The following CEP85L variants were observed in gnomAD, a reference collection of about 807,000 sequenced individuals.
CEP85L encodes centrosomal protein 85L, also known as centrosomal protein of 85 kDa-like.
Under a neutral mutation model 100.3 loss-of-function variants are expected in CEP85L, and 60 were observed. That is an observed-to-expected ratio of 0.60 (90% CI 0.49 to 0.74). CEP85L has a LOEUF of 0.74. CEP85L is among the 30% of genes least tolerant of loss of function. CEP85L has a pLI of 0.00. For missense variants in CEP85L, 973 were observed against 936.2 expected (o/e 1.04, Z -0.51); for synonymous variants, 319 against 322.7 (o/e 0.99, Z 0.12).
At chr6:118,555,865 T>C (rs1488128960) in intron 3 of CEP85L, among the ~76,000 whole-genome samples, 1 of 152,082 alleles carries the variant, frequency 6.6e-6, no homozygotes, top group African/African-American at 2.4e-5. Flanking sequence ...TAAGTTCTTA[T>C]CATCTTGCTC....
chr6:118,521,309 T>C (rs1434708373), intron 4 of CEP85L, among the ~76,000 whole-genome samples: 2 of 152,240 alleles, frequency 1.3e-5, no homozygotes, highest in Non-Finnish European at 2.9e-5. Context: ...AAGTACTATA[T>C]ATGTTATAGA....
At chr6:118,631,919 T>C (rs547019449) in intron 2 of CEP85L, among the ~76,000 whole-genome samples, 1 of 152,360 alleles carries the variant, frequency 6.6e-6, no homozygotes, top group East Asian at 1.9e-4. Context: ...TAAAACTGTA[T>C]ATAAATCTAT....
In CEP85L at chr6:118,517,243, T is replaced by C. The variant is rs992451839; in HGVS notation, c.1140-5828A>G. ...CTATCTAGACTCTTTTTTGGTTCCA[T>C]ATGAAATTTAAAGTAGTTTTTTCTA... On this transcript the variant is annotated intron_variant, in intron 4 of 12. Coordinates refer to ENST00000368491, the MANE Select transcript of CEP85L (RefSeq NM_001042475.3). Among the ~76,000 whole-genome samples, 12 of 152,236 alleles carry C rather than the reference T, an allele frequency of 7.9e-5. 1 individual carries two copies. Among genetic ancestry groups the C allele is most frequent in the Admixed American group, 6.5e-4 (10 of 15,284 alleles).
At chr6:118,482,327 T>C (rs761552003) in intron 7 of CEP85L, among the ~76,000 whole-genome samples, 1 of 152,186 alleles carries the variant, frequency 6.6e-6, no homozygotes, top group Non-Finnish European at 1.5e-5. Flanking sequence ...TCTTGCATAA[T>C]TGAAACTCTA....
upstream of CEP85L, chr6:118,651,890 C>T (rs916898332): frequency 1.0e-6 from 1 of 985,476 alleles, no homozygotes; most frequent in African/African-American, 1.7e-5. Context: ...TCACGCCCTC[C>T]CTCCGGGCAC....
At chr6:118,572,394 G>GA (rs960722274) in intron 2 of CEP85L, among the ~76,000 whole-genome samples, 7 of 149,938 alleles carry the variant, frequency 4.7e-5, no homozygotes, top group Admixed American at 2.0e-4. Context: ...TCTCTACTTA[G>GA]AAAAAAACAA....
intron 1 of CEP85L, among the ~76,000 whole-genome samples, chr6:118,687,173 A>G (rs1776862616): frequency 6.6e-6 from 1 of 152,184 alleles, no homozygotes; most frequent in Admixed American, 6.5e-5. Context: ...ATTCATGTAG[A>G]GAAGCTTTTG....
At chr6:118,620,157 C>T (rs1343051115) in intron 2 of CEP85L, among the ~76,000 whole-genome samples, 3 of 152,168 alleles carry the variant, frequency 2.0e-5, no homozygotes, top group African/African-American at 4.8e-5. Context: ...GTATACCTCC[C>T]TAACTCCGGA....
chr6:118,507,415 A>T (rs536183470), intron 5 of CEP85L, among the ~76,000 whole-genome samples: 75 of 152,310 alleles, frequency 4.9e-4, no homozygotes, highest in Non-Finnish European at 7.6e-4. Context: ...TGCCTCCAAT[A>T]ACATCTACCT....
intron 4 of CEP85L, among the ~76,000 whole-genome samples, chr6:118,514,626 A>G (rs1261428340): frequency 6.6e-6 from 1 of 152,166 alleles, no homozygotes; most frequent in Non-Finnish European, 1.5e-5. Flanking sequence ...CTCCCAAACA[A>G]AAGGCAGACA....
intron 3 of CEP85L, among the ~76,000 whole-genome samples, chr6:118,525,288 A>G (rs974166265): frequency 6.6e-5 from 10 of 152,228 alleles, no homozygotes; most frequent in African/African-American, 9.6e-5. Context: ...AGATATCCTT[A>G]TATTTCTTCC....
At chr6:118,622,233 T>C (rs1049482260) in intron 2 of CEP85L, among the ~76,000 whole-genome samples, 29 of 152,216 alleles carry the variant, frequency 1.9e-4, no homozygotes, top group Admixed American at 1.8e-3. Context: ...GTAAGTGGCA[T>C]ATTAAATGCT....
At chr6:118,488,698 G>C (rs1774353577) in intron 6 of CEP85L, among the ~76,000 whole-genome samples, 1 of 152,136 alleles carries the variant, frequency 6.6e-6, no homozygotes, top group Non-Finnish European at 1.5e-5. Flanking sequence ...TGGACATCCA[G>C]ATCCAGGGGA....
chr6:118,631,473 T>G (rs1479746290), intron 2 of CEP85L, among the ~76,000 whole-genome samples: 2 of 152,196 alleles, frequency 1.3e-5, no homozygotes, highest in Non-Finnish European at 2.9e-5. Flanking sequence ...AGGCATCTAC[T>G]CACCCAAAGA....
At chr6:118,641,327 A>G (rs777512814) in intron 1 of CEP85L, among the ~76,000 whole-genome samples, 1 of 152,198 alleles carries the variant, frequency 6.6e-6, no homozygotes, top group Non-Finnish European at 1.5e-5. Context: ...TTCTATCTCT[A>G]TGATCTGCAA....
intron 2 of CEP85L, among the ~76,000 whole-genome samples, chr6:118,603,098 G>A (rs1317046266): frequency 1.3e-5 from 2 of 152,108 alleles, no homozygotes; most frequent in African/African-American, 4.8e-5. Context: ...GAGATTACAG[G>A]TGTGAGCCAC....
intron 3 of CEP85L, among the ~76,000 whole-genome samples, chr6:118,535,912 C>T (rs146275419): frequency 2.6e-3 from 395 of 152,086 alleles, no homozygotes; most frequent in African/African-American, 9.1e-3. Context: ...ATACATTCTT[C>T]AAAACTCAAA....
chr6:118,523,887 G>A lies in CEP85L; in HGVS notation c.1054C>T (p.Pro352Ser). ...LTGSSRQSYSPGYQDFSKWES... is the reference protein window; with the variant it reads ...LTGSSRQSYSSGYQDFSKWES... ...CACTTACTGAAATCCTGATAGCCAG[G>A]TGAATAACTTTGACGAGATGATCCA... Residue 352 changes from proline to serine, a missense_variant, in exon 4 of 13, where the codon CCT becomes TCT. By Grantham distance (74) the Pro-to-Ser change is moderately conservative (BLOSUM62 -1). Coordinates refer to ENST00000368491, the MANE Select transcript of CEP85L (RefSeq NM_001042475.3). The A allele has an allele frequency of 6.2e-7, 1 of 1,606,770 alleles. No homozygotes were observed. The highest frequency in any genetic ancestry group is 8.5e-7 in the Non-Finnish European group (1 of 1,174,710).
intron 2 of CEP85L, among the ~76,000 whole-genome samples, chr6:118,599,533 G>A (rs1225059934): frequency 1.3e-5 from 2 of 152,296 alleles, no homozygotes; most frequent in South Asian, 2.1e-4. Context: ...CCTCCAGGAT[G>A]TAGAACTTAG....
Sources: allele counts gnomAD v4.1 joint callset (sites outside exome capture counted in the v4.1 genomes callset), GRCh38; gene constraint gnomAD v4.1.1; transcripts MANE v1.5; gene names NCBI Gene and HGNC (gene_info 2026-07-23, HGNC 2026-07-21).